The following SPECC1 variants were observed in gnomAD, a reference collection of about 807,000 sequenced individuals.
The protein encoded by SPECC1 is cytospin-B.
In SPECC1, 62 loss-of-function variants were observed where a neutral mutation model predicts 104.1. The ratio of observed to expected loss-of-function variants is 0.60; its 90% CI spans 0.49 to 0.74. The LOEUF (loss-of-function observed/expected upper bound fraction) is 0.74, where lower values mean the gene tolerates loss of function less well. Ranked by LOEUF, SPECC1 falls within the 30% of genes least tolerant of loss-of-function variation. SPECC1 has a pLI of 0.00. For missense variants in SPECC1, 1,306 were observed against 1,310.5 expected, an observed-to-expected ratio of 1.00 and a Z score of 0.05; for synonymous variants, 513 against 501.6, an observed-to-expected ratio of 1.02 and a Z score of -0.30.
At chr17:20,229,929 G>A (rs2038467827) in intron 5 of SPECC1, among the ~76,000 whole-genome samples, 1 of 152,206 alleles carries the variant, frequency 6.6e-6, no homozygotes, top group Non-Finnish European at 1.5e-5. Flanking sequence ...TTCTTGGCTA[G>A]TGCTGGTTGG....
At chr17:20,116,803 C>CTTT (rs58127201) in intron 3 of SPECC1, among the ~76,000 whole-genome samples, 3,887 of 50,348 alleles carry the variant, frequency 0.077, 1,111 homozygotes, top group Non-Finnish European at 0.12. Context: ...TGTCTGGAGA[C>CTTT]TTTTTTTTTT....
chr17:20,304,197 C>T (rs945177530), intron 13 of SPECC1, among the ~76,000 whole-genome samples: 8 of 133,810 alleles, frequency 6.0e-5, no homozygotes, highest in Non-Finnish European at 9.4e-5. Context: ...AACTGAGAAA[C>T]GAGAATCACT....
intron 3 of SPECC1, among the ~76,000 whole-genome samples, chr17:20,171,644 C>T (rs946329437): frequency 3.9e-5 from 6 of 152,072 alleles, no homozygotes; most frequent in African/African-American, 1.4e-4. Flanking sequence ...ACCTCCCAGG[C>T]TCAAGTGATC....
intron 9 of SPECC1, among the ~76,000 whole-genome samples, chr17:20,252,882 C>T (rs2039683848): frequency 6.6e-6 from 1 of 152,088 alleles, no homozygotes; most frequent in African/African-American, 2.4e-5. Flanking sequence ...GGATAAATAC[C>T]TAGAAGTGGT....
intron 3 of SPECC1, among the ~76,000 whole-genome samples, chr17:20,137,326 G>A (rs1057206676): frequency 2.0e-5 from 3 of 152,238 alleles, no homozygotes; most frequent in African/African-American, 4.8e-5. Context: ...AGCATCGTGT[G>A]TGATGTTGGA....
chr17:20,030,827 C>A (rs1394182563), intron 1 of SPECC1, among the ~76,000 whole-genome samples: 1 of 152,046 alleles, frequency 6.6e-6, no homozygotes, highest in Non-Finnish European at 1.5e-5. Context: ...CATTTCCTGC[C>A]CCCCAGCCCT....
At chr17:20,043,246 G>A (rs1231961594) in intron 1 of SPECC1, among the ~76,000 whole-genome samples, 1 of 152,082 alleles carries the variant, frequency 6.6e-6, no homozygotes, top group Admixed American at 6.6e-5. Context: ...GCCTGGCTGG[G>A]GGTCACAGGA....
At chr17:20,106,123 A>T (rs1237657330) in intron 2 of SPECC1, among the ~76,000 whole-genome samples, 1 of 152,076 alleles carries the variant, frequency 6.6e-6, no homozygotes, top group Non-Finnish European at 1.5e-5. Context: ...AATTCCCTTA[A>T]CCACTGTGAT....
intron 1 of SPECC1, among the ~76,000 whole-genome samples, chr17:20,055,207 T>C (rs1489436099): frequency 1.3e-5 from 2 of 152,212 alleles, no homozygotes; most frequent in Non-Finnish European, 1.5e-5. Flanking sequence ...GACTGCCTTA[T>C]TTCATTAGCA....
chr17:20,212,851 T>C (rs2037245344), intron 4 of SPECC1, among the ~76,000 whole-genome samples: 1 of 152,238 alleles, frequency 6.6e-6, no homozygotes, highest in Non-Finnish European at 1.5e-5. Flanking sequence ...TATTAATATG[T>C]TTAAAAAGTA....
In SPECC1 at chr17:20,156,070, G is replaced by C. The variant is rs538405581; in HGVS notation, c.283+45508G>C. The C allele has an allele frequency of 1.6e-5, 21 of 1,321,550 alleles. No individual in the cohort carries two copies. The Admixed American group carries it at 2.1e-4, about 13-fold the overall frequency. 81.9% of individuals were successfully genotyped at this position (1,321,550 alleles called of 1,614,324 possible). A position where few individuals can be genotyped will look rare whatever the true frequency, so the allele number is the denominator to read the frequency against. ...GCTGCTGGGAACTGGAAGGCGCCCG[G>C]TCCTTTCTTTGACTGGAGCGGACCC... On this transcript the variant is annotated intron_variant, in intron 3 of 14. Coordinates refer to ENST00000395527, the MANE Select transcript of SPECC1 (RefSeq NM_001243439.2).
intron 13 of SPECC1, among the ~76,000 whole-genome samples, chr17:20,302,878 TAAAAAAAAAAAA>T (rs35060925): frequency 1.6e-5 from 1 of 61,872 alleles, no homozygotes; most frequent in African/African-American, 6.7e-5. Context: ...TGAGCCCATC[TAAAAAAAAAAAA>T]AAAAAAAAAA....
intron 4 of SPECC1, among the ~76,000 whole-genome samples, chr17:20,219,535 C>G (rs955236614): frequency 2.0e-5 from 3 of 151,934 alleles, no homozygotes; most frequent in African/African-American, 7.3e-5. Flanking sequence ...GATTTTTTTC[C>G]CCCATTGAAT....
chr17:20,056,159 C>T (rs570516909), intron 1 of SPECC1: 1 of 152,286 alleles, frequency 6.6e-6, no homozygotes, highest in South Asian at 2.1e-4. Context: ...GCTGTGGGTT[C>T]CAAGAGATAT....
intron 3 of SPECC1, among the ~76,000 whole-genome samples, chr17:20,186,139 G>A (rs56749995): frequency 8.5e-4 from 129 of 152,250 alleles, no homozygotes; most frequent in African/African-American, 3.0e-3. Context: ...CACCCAGCTT[G>A]TGTTTTGTAT....
intron 4 of SPECC1, among the ~76,000 whole-genome samples, chr17:20,220,524 C>G (rs2037806447): frequency 6.7e-6 from 1 of 149,414 alleles, no homozygotes; most frequent in Admixed American, 6.7e-5. Flanking sequence ...GATTTTGTAT[C>G]CTGCAACTTC....
chr17:20,062,675 T>A (rs904925630), intron 1 of SPECC1, among the ~76,000 whole-genome samples: 2 of 151,216 alleles, frequency 1.3e-5, no homozygotes, highest in African/African-American at 4.9e-5. Context: ...AAATTTCACG[T>A]ATAACACAAG....
chr17:20,061,430 C>A (rs187831015), intron 1 of SPECC1, among the ~76,000 whole-genome samples: 1 of 152,300 alleles, frequency 6.6e-6, no homozygotes, highest in East Asian at 1.9e-4. Flanking sequence ...TTCCATGGGC[C>A]TCTACATGTC....
intron 10 of SPECC1, among the ~76,000 whole-genome samples, chr17:20,256,803 T>G (rs748329273): frequency 3.3e-5 from 5 of 151,856 alleles, no homozygotes; most frequent in African/African-American, 4.8e-5. Flanking sequence ...CATTAGGAGG[T>G]CAAGTCCAAA....
Sources: gnomAD v4.1 joint callset for allele counts (sites outside exome capture counted in the v4.1 genomes callset) on GRCh38, gnomAD v4.1.1 for gene constraint, MANE v1.5 for transcripts, NCBI Gene and HGNC (gene_info 2026-07-23, HGNC 2026-07-21) for gene names.